PHKB: variants seen among roughly 807,000 people sequenced by gnomAD.
PHKB encodes phosphorylase kinase regulatory subunit beta.
PHKB carries 122 observed loss-of-function variants against 152.1 expected under a neutral mutation model. That is an observed-to-expected ratio of 0.80 (90% CI 0.69 to 0.93). PHKB has a LOEUF of 0.93. PHKB is among the 40% of genes least tolerant of loss of function. The probability of loss-of-function intolerance (pLI) is 0.00; values close to 1 mark genes in which losing one functional copy is unlikely to be tolerated. For missense variants in PHKB, 1,304 were observed against 1,328.4 expected, an observed-to-expected ratio of 0.98 and a Z score of 0.29; for synonymous variants, 436 against 464.9, an observed-to-expected ratio of 0.94 and a Z score of 0.80.
At chr16:47,615,762 A>G (rs889270043) in intron 14 of PHKB, among the ~76,000 whole-genome samples, 3 of 152,196 alleles carry the variant, frequency 2.0e-5, no homozygotes, top group Admixed American at 1.3e-4. Flanking sequence ...CAATTTTTAT[A>G]GTGGATAATG....
At chr16:47,647,499 A>G (rs1453879362) in intron 16 of PHKB, among the ~76,000 whole-genome samples, 1 of 147,664 alleles carries the variant, frequency 6.8e-6, no homozygotes, top group African/African-American at 2.5e-5. Context: ...TCATTTTAAC[A>G]TCTTTTTTTT....
chr16:47,557,986 A>G (rs1971407440), intron 7 of PHKB, among the ~76,000 whole-genome samples: 1 of 151,942 alleles, frequency 6.6e-6, no homozygotes, highest in Admixed American at 6.6e-5. Context: ...AACCAACCCA[A>G]ATGTCCAACA....
chr16:47,663,912 CA>C, intron 24 of PHKB, 178 bp downstream of exon 24: 1 of 632,998 alleles, frequency 1.6e-6, no homozygotes, highest in Non-Finnish European at 2.8e-6. Context: ...CCACTGCCTC[CA>C]CCAAAATTCT....
At chr16:47,618,246 C>T (rs1244532987) in intron 14 of PHKB, among the ~76,000 whole-genome samples, 12 of 152,122 alleles carry the variant, frequency 7.9e-5, no homozygotes, top group Admixed American at 7.9e-4. Flanking sequence ...ACCTTGTTGT[C>T]TCATGACCTT....
intron 1 of PHKB, among the ~76,000 whole-genome samples, chr16:47,492,463 G>T (rs1308677725): frequency 6.6e-6 from 1 of 152,186 alleles, no homozygotes; most frequent in Non-Finnish European, 1.5e-5. Context: ...GCCTAAAGAG[G>T]AACCTCTTAT....
At chr16:47,628,504 C>A (rs1384706977) in intron 14 of PHKB, among the ~76,000 whole-genome samples, 1 of 152,068 alleles carries the variant, frequency 6.6e-6, no homozygotes, top group African/African-American at 2.4e-5. Flanking sequence ...TGCGCTCCAG[C>A]CTGGGCGACA....
intron 6 of PHKB, among the ~76,000 whole-genome samples, chr16:47,541,333 T>C (rs1042654416): frequency 8.5e-5 from 13 of 152,294 alleles, no homozygotes; most frequent in Admixed American, 7.2e-4. Flanking sequence ...AGCTCATCCT[T>C]TTTTATGGCT....
In PHKB at chr16:47,513,329, C is replaced by CA. The variant is rs796281802; in HGVS notation, c.513+1559dup. Among the ~76,000 whole-genome samples, 130 of 152,264 alleles carry CA rather than the reference C, an allele frequency of 8.5e-4. 1 individual carries two copies. The highest frequency in any genetic ancestry group is 3.0e-3 in the African/African-American group (124 of 41,544). On this transcript the variant is annotated intron_variant, in intron 5 of 30. Coordinates refer to ENST00000323584, the MANE Select transcript of PHKB (RefSeq NM_000293.3). ...GAAGTCATTTTTGACAGGCTTGTGT[C>CA]AATGCTGTAAGAGAACATATAGGGG...
At chr16:47,526,641 A>G (rs960835742) in intron 6 of PHKB, among the ~76,000 whole-genome samples, 11 of 152,314 alleles carry the variant, frequency 7.2e-5, no homozygotes, top group Admixed American at 6.5e-5. Context: ...AAGAAAAAAA[A>G]ATAGCTTTTA....
At chr16:47,565,149 C>T (rs1475868499) in intron 7 of PHKB, 2 of 544,036 alleles carry the variant, frequency 3.7e-6, no homozygotes. Context: ...TACTTGCTTG[C>T]AGAACTGAAC....
intron 6 of PHKB, among the ~76,000 whole-genome samples, chr16:47,541,431 A>G (rs906405372): frequency 6.6e-6 from 1 of 152,156 alleles, no homozygotes; most frequent in Non-Finnish European, 1.5e-5. Flanking sequence ...AGTCTTTGCT[A>G]TTGTGAATAG....
intron 1 of PHKB, among the ~76,000 whole-genome samples, chr16:47,485,506 A>C (rs927444107): frequency 6.6e-6 from 1 of 152,202 alleles, no homozygotes; most frequent in Admixed American, 6.5e-5. Context: ...GTAGCAGGAG[A>C]TAGGGTAGTC....
At chr16:47,679,779 T>C (rs1973812779) in intron 26 of PHKB, among the ~76,000 whole-genome samples, 1 of 152,196 alleles carries the variant, frequency 6.6e-6, no homozygotes, top group African/African-American at 2.4e-5. Context: ...CCTGCCTAAT[T>C]GCCCTGGCCA....
At chr16:47,669,543 C>G (rs1188108153) in intron 26 of PHKB, 126 bp downstream of exon 26, 3 of 813,518 alleles carry the variant, frequency 3.7e-6, no homozygotes, top group East Asian at 4.9e-5. Context: ...CACCTGTCCT[C>G]TAAGCCATGC....
At chr16:47,527,365 T>A (rs1970786317) in intron 6 of PHKB, among the ~76,000 whole-genome samples, 1 of 152,072 alleles carries the variant, frequency 6.6e-6, no homozygotes, top group Non-Finnish European at 1.5e-5. Context: ...AAAGGTAGGA[T>A]AGAGACTCTC....
chr16:47,566,508 G>A, intron 7 of PHKB: 3 of 1,605,768 alleles, frequency 1.9e-6, no homozygotes, highest in Non-Finnish European at 2.5e-6. Context: ...TGGATTGCTG[G>A]GTTCACGTGG....
At chr16:47,598,092 A>T (rs1972155615) in intron 13 of PHKB, 1 of 152,170 alleles carries the variant, frequency 6.6e-6, no homozygotes, top group Non-Finnish European at 1.5e-5. Flanking sequence ...GACATTATGG[A>T]TTTTGTAATC....
chr16:47,664,968 G>C lies in PHKB; in HGVS notation c.2420G>C (p.Gly807Ala), dbSNP rs1973512712. 1 of 1,605,620 alleles carries C rather than the reference G, an allele frequency of 6.2e-7. No homozygotes were observed. The highest frequency in any genetic ancestry group is 1.7e-5 in the Admixed American group (1 of 59,964). The stretch of plus-strand genomic sequence containing the variant: ...CACATTACTACTTTTCTGGTACATG[G>C]GAAACAGGTAACATGCACAGAATTT... ...APHITTFLVH[G>A]KQVTLGAFGH... Residue 807 changes from glycine to alanine, a missense_variant, in exon 25 of 31, where the codon GGG (glycine) becomes GCG (alanine). By Grantham distance (60) the Gly-to-Ala change is moderately conservative (BLOSUM62 0). Transcript: ENST00000323584.
chr16:47,677,527 C>G (rs751084675), intron 26 of PHKB, among the ~76,000 whole-genome samples: 3 of 152,180 alleles, frequency 2.0e-5, no homozygotes, highest in Non-Finnish European at 2.9e-5. Context: ...TTGCAGATGG[C>G]TGCCTTCTGT....
Sources: allele counts gnomAD v4.1 joint callset (sites outside exome capture counted in the v4.1 genomes callset), GRCh38; gene constraint gnomAD v4.1.1; transcripts MANE v1.5; gene names NCBI Gene and HGNC (gene_info 2026-07-23, HGNC 2026-07-21).